The following DHX15 variants were observed in gnomAD, a reference collection of about 807,000 sequenced individuals.
The protein encoded by DHX15 is DEAH-box helicase 15, also known as ATP-dependent RNA helicase DHX15.
DHX15 carries 11 observed loss-of-function variants against 94.4 expected under a neutral mutation model. The observed-to-expected ratio is 0.12, with a 90% CI of 0.07 to 0.19. The LOEUF is 0.19. DHX15 is among the 10% of genes least tolerant of loss of function. The pLI, the probability that DHX15 is intolerant of heterozygous loss-of-function variation, is 1.00. For missense variants in DHX15, 304 were observed against 988.5 expected, an observed-to-expected ratio of 0.31 and a Z score of 9.29; for synonymous variants, 338 against 329.9, an observed-to-expected ratio of 1.02 and a Z score of -0.27.
chr4:24,558,497 A>T (rs1721790596), intron 3 of DHX15, among the ~76,000 whole-genome samples: 1 of 152,216 alleles, frequency 6.6e-6, no homozygotes, highest in Admixed American at 6.5e-5. Flanking sequence ...AATGTTACAG[A>T]TGGCAGACTA....
At chr4:24,541,307 T>C (rs1386544063) in intron 8 of DHX15, among the ~76,000 whole-genome samples, 2 of 152,128 alleles carry the variant, frequency 1.3e-5, no homozygotes, top group African/African-American at 2.4e-5. Context: ...CCATTCTTAG[T>C]AGTATGCTAT....
chr4:24,536,900 A>G (rs1328337695), intron 11 of DHX15, 151 bp downstream of exon 11: 1 of 892,874 alleles, frequency 1.1e-6, no homozygotes, highest in Non-Finnish European at 1.6e-6. Context: ...GGCAATTTCT[A>G]TTTTAAATGC....
chr4:24,553,927 C>T (rs1281192016), intron 5 of DHX15, among the ~76,000 whole-genome samples: 2 of 151,258 alleles, frequency 1.3e-5, no homozygotes, highest in Non-Finnish European at 2.9e-5. Flanking sequence ...AGCTTAGAAA[C>T]GCTACATCTG....
At chr4:24,568,437 AGT>A (rs1722044214) in intron 3 of DHX15, among the ~76,000 whole-genome samples, 1 of 152,218 alleles carries the variant, frequency 6.6e-6, no homozygotes, top group African/African-American at 2.4e-5. Flanking sequence ...CCCTGTCTTA[AGT>A]AAGCTTTTAC....
At chr4:24,547,947 AT>A (rs1560766022) in intron 6 of DHX15, among the ~76,000 whole-genome samples, 629 of 29,570 alleles carry the variant, frequency 0.021, 5 homozygotes, top group African/African-American at 0.083. Context: ...ATATATCTAT[AT>A]CTATATCTAT....
chr4:24,571,861 G>C (rs1722129063), intron 2 of DHX15, among the ~76,000 whole-genome samples: 1 of 152,120 alleles, frequency 6.6e-6, no homozygotes, highest in South Asian at 2.1e-4. Context: ...TAATTATGCT[G>C]ATTCTCTAAA....
intron 3 of DHX15, 33 bp downstream of exon 3, chr4:24,570,621 G>A (rs201420318): frequency 1.3e-6 from 2 of 1,595,736 alleles, no homozygotes; most frequent in East Asian, 4.5e-5. Context: ...GCAAGCAGAG[G>A]ACTAAAAGCG....
At chr4:24,562,156 T>A (rs1002949588) in intron 3 of DHX15, among the ~76,000 whole-genome samples, 31 of 83,848 alleles carry the variant, frequency 3.7e-4, no homozygotes, top group African/African-American at 9.4e-4. Flanking sequence ...AAAAAAAAAA[T>A]CTGTACACCA....
At chr4:24,549,237 T>C (rs1294346686) in intron 5 of DHX15, among the ~76,000 whole-genome samples, 1 of 152,248 alleles carries the variant, frequency 6.6e-6, no homozygotes, top group Admixed American at 6.5e-5. Context: ...AATGAATATA[T>C]AACTGCCTTA....
In DHX15 at chr4:24,584,431, A is replaced by C. The variant is rs777129549; in HGVS notation, c.-38T>G. The C allele has an allele frequency of 6.3e-7, 1 of 1,598,930 alleles. No homozygotes were observed. Among genetic ancestry groups the C allele is most frequent in the Non-Finnish European group, 8.5e-7 (1 of 1,172,554 alleles). On this transcript the variant is annotated 5_prime_UTR_variant, in exon 1 of 14. Coordinates refer to ENST00000336812, the MANE Select transcript of DHX15 (RefSeq NM_001358.3). ...CGAACGGGCAGTTATTAAGGAAGAA[A>C]GCTGGCTGCTGTATGGGCACAGTCG...
Position 24,537,410 on chromosome 4 carries a change from A to C in DHX15, c.1787-237T>G. On this transcript the variant is annotated intron_variant, in intron 10 of 13. Transcript: ENST00000336812. This position sits in a 1 kb window ranked among gnomAD's most constrained non-coding sequence, Gnocchi z 4.7. The stretch of plus-strand genomic sequence containing the variant: ...TACCTGATTATTTTAACTAGATCTA[A>C]AAGTAGGCATCAAAACAGCTATTCT... 1 of 378,430 alleles carries C rather than the reference A, an allele frequency of 2.6e-6. No individual in the cohort carries two copies. The highest frequency in any genetic ancestry group is 4.7e-6 in the Non-Finnish European group (1 of 213,540). 23.4% of individuals were successfully genotyped at this position (378,430 alleles called of 1,614,324 possible). A position where few individuals can be genotyped will look rare whatever the true frequency, so the allele number is the denominator to read the frequency against.
At position 24,584,518 on chromosome 4, in the gene DHX15, G is replaced by T. The variant is rs1268173022; in HGVS notation, c.-125C>A. On this transcript the variant is annotated 5_prime_UTR_variant, in exon 1 of 14. Coordinates refer to ENST00000336812, the MANE Select transcript of DHX15 (RefSeq NM_001358.3). ...CCCGCTACTACAGCCCACACGGTGC[G>T]GCCGGAACCAACAGCTAAAATGGCG... is the stretch of plus-strand genomic sequence containing the variant. 2.1e-6 allele frequency: 2 copies of T among 947,580 alleles called. No homozygotes were observed. Among genetic ancestry groups the T allele is most frequent in the East Asian group, 3.2e-5 (1 of 30,942 alleles). 58.7% of individuals were successfully genotyped at this position (947,580 alleles called of 1,614,324 possible).
intron 2 of DHX15, 68 bp downstream of exon 2, chr4:24,576,175 A>G: frequency 1.5e-6 from 2 of 1,299,702 alleles, no homozygotes; most frequent in Non-Finnish European, 1.1e-6. Flanking sequence ...GACCACCAGA[A>G]TCAAATATGC....
chr4:24,545,897 A>T (rs1721412040), intron 6 of DHX15, among the ~76,000 whole-genome samples: 1 of 152,206 alleles, frequency 6.6e-6, no homozygotes, highest in Non-Finnish European at 1.5e-5. Context: ...ATTGACTAAT[A>T]TGGAACAGAC....
At chr4:24,578,903 T>C (rs11733607) in intron 1 of DHX15, among the ~76,000 whole-genome samples, 2 of 152,222 alleles carry the variant, frequency 1.3e-5, no homozygotes, top group East Asian at 3.9e-4. Flanking sequence ...TACCAGGCAA[T>C]TAAGACATGG....
intron 5 of DHX15, among the ~76,000 whole-genome samples, chr4:24,551,886 C>T (rs1170352873): frequency 6.6e-6 from 1 of 152,044 alleles, no homozygotes; most frequent in African/African-American, 2.4e-5. Context: ...TTTGTGATTC[C>T]AGTATTTTAA....
intron 6 of DHX15, among the ~76,000 whole-genome samples, chr4:24,545,240 G>A (rs890132448): frequency 6.6e-6 from 1 of 151,918 alleles, no homozygotes; most frequent in African/African-American, 2.4e-5. Flanking sequence ...AGTTGTTCTG[G>A]GAAAAAATAC....
chr4:24,541,079 A>G (rs1443812121), intron 8 of DHX15, 131 bp from the exon 9 acceptor site: 1 of 535,548 alleles, frequency 1.9e-6, no homozygotes, highest in Non-Finnish European at 3.4e-6. Flanking sequence ...AGTAGAGATA[A>G]ATACTTGTAG....
rs780648822 is a variant in DHX15 at position 24,547,915 on chromosome 4, A to G, written c.1248+940T>C. ...TATGTATGTATGTGTATATATATATATATATATATATATATATATATATAT... is the reference window on the plus strand; with the variant it reads ...TATGTATGTATGTGTATATATATATGTATATATATATATATATATATATAT... On this transcript the variant is annotated intron_variant, in intron 6 of 13. Transcript: ENST00000336812. 2.0e-4 allele frequency among the ~76,000 whole-genome samples: 11 copies of G among 53,768 alleles called. No homozygotes were observed. In the East Asian group the frequency reaches 3.7e-3, roughly 18 times the overall value. The allele number at this position is 53,768 out of a possible 152,430, so 35.3% of individuals were successfully genotyped here. A position where few individuals can be genotyped will look rare whatever the true frequency, so the allele number is the denominator to read the frequency against.
Sources: allele counts gnomAD v4.1 joint callset (sites outside exome capture counted in the v4.1 genomes callset), GRCh38; gene constraint gnomAD v4.1.1; non-coding constraint Gnocchi (gnomAD v3.1); transcripts MANE v1.5; gene names NCBI Gene and HGNC (gene_info 2026-07-23, HGNC 2026-07-21).